RAG1: variants seen among roughly 807,000 people sequenced by gnomAD.
RAG1 encodes the protein recombination activating 1.
A neutral mutation model predicts 62.7 loss-of-function variants in RAG1; 35 were observed. The ratio of observed to expected loss-of-function variants is 0.56; its 90% confidence interval spans 0.43 to 0.74. The LOEUF (loss-of-function observed/expected upper bound fraction) is 0.74. Ranked by LOEUF, RAG1 falls within the 30% of genes least tolerant of loss-of-function variation. RAG1 has a pLI of 0.00. For synonymous variants in RAG1, 461 were observed against 470.3 expected, an observed-to-expected ratio of 0.98 and a Z score of 0.26; for missense variants, 1,169 against 1,278.6, an observed-to-expected ratio of 0.91 and a Z score of 1.31.
intron 2 of RAG1, among the ~76,000 whole-genome samples, chr11:36,529,462 C>G (rs933711650): frequency 6.6e-6 from 1 of 152,182 alleles, no homozygotes; most frequent in African/African-American, 2.4e-5. Context: ...GCTAAAAATT[C>G]TCAATAAACT....
chr11:36,522,335 T>C (rs899979888), intron 2 of RAG1, among the ~76,000 whole-genome samples: 2 of 152,118 alleles, frequency 1.3e-5, no homozygotes, highest in Non-Finnish European at 2.9e-5. Context: ...ACTAAAGGGG[T>C]CCAAGGTATG....
chr11:36,569,141 C>G (rs576653574), intron 1 of RAG1, among the ~76,000 whole-genome samples: 49 of 152,288 alleles, frequency 3.2e-4, no homozygotes, highest in African/African-American at 1.2e-3. Context: ...GGGGCTGCTG[C>G]TGCTGCTGCA....
At chr11:36,567,417 G>A (rs984285434), upstream of RAG1, 1 of 152,138 alleles carries the variant, frequency 6.6e-6, no homozygotes, top group African/African-American at 2.4e-5. Context: ...CCTGAGTCAA[G>A]ATTTAAATCC....
intron 3 of RAG1, among the ~76,000 whole-genome samples, chr11:36,546,587 A>G (rs1850397587): frequency 6.6e-6 from 1 of 152,142 alleles, no homozygotes; most frequent in Admixed American, 6.5e-5. Flanking sequence ...TTTAAGGTTA[A>G]TATTGTTATG....
chr11:36,569,097 G>T (rs1482216406), intron 1 of RAG1, among the ~76,000 whole-genome samples: 2 of 152,196 alleles, frequency 1.3e-5, no homozygotes, highest in African/African-American at 2.4e-5. Flanking sequence ...GTGTATGTGT[G>T]TGGGTATAGG....
rs141384582 is a variant in RAG1, at chr11:36,579,546, C to CT, written c.*3122dup. 12,830 of 152,344 alleles carry CT rather than the reference C, an allele frequency of 0.084. 514 individuals are homozygous for CT. The highest frequency in any genetic ancestry group is 0.11 in the African/African-American group (4,059 of 38,398). 9.4% of individuals were successfully genotyped at this position (152,344 alleles called of 1,614,324 possible). A position where few individuals can be genotyped will look rare whatever the true frequency, so the allele number is the denominator to read the frequency against. On this transcript the variant is annotated 3_prime_UTR_variant, in exon 2 of 2. Coordinates refer to ENST00000299440, the MANE Select transcript of RAG1 (RefSeq NM_000448.3). ...ATTTTGTTTAATGGCTTCCAAGAGCCTTTTTTTTTTTTGTATTTCAGAGAA... is the reference window on the plus strand; with the variant it reads ...ATTTTGTTTAATGGCTTCCAAGAGCCTTTTTTTTTTTTTGTATTTCAGAGAA...
chr11:36,539,249 C>G (rs775684595), downstream of RAG1, among the ~76,000 whole-genome samples: 2 of 152,118 alleles, frequency 1.3e-5, no homozygotes, highest in African/African-American at 4.8e-5. Context: ...AAGAACACAG[C>G]GAGAAGGCAG....
At chr11:36,529,847 G>C (rs910895316) in intron 2 of RAG1, among the ~76,000 whole-genome samples, 1 of 151,888 alleles carries the variant, frequency 6.6e-6, no homozygotes, top group Non-Finnish European at 1.5e-5. Flanking sequence ...AATGAATTGG[G>C]AATGGTTTTT....
intron 3 of RAG1, among the ~76,000 whole-genome samples, chr11:36,558,026 TG>T (rs1850528347): frequency 1.3e-5 from 2 of 152,226 alleles, no homozygotes; most frequent in Non-Finnish European, 2.9e-5. Flanking sequence ...CCAGAGGCTT[TG>T]GTATATTGTG....
intron 1 of RAG1, among the ~76,000 whole-genome samples, chr11:36,568,501 G>C (rs1201943597): frequency 6.6e-6 from 1 of 152,064 alleles, no homozygotes; most frequent in Non-Finnish European, 1.5e-5. Context: ...GGAAATGTAT[G>C]GTTTCCCAGG....
rs895319712 is a variant in RAG1 at position 36,561,235 on chromosome 11, C to T, written c.-411-2150C>T. On this transcript the variant is annotated intron_variant and NMD_transcript_variant, in intron 3 of 9. Transcript: ENST00000534663. ...TGGGGCTTCTTTACACCTTCCTTTC[C>T]ACACTGTACAAGGTACCTGGTTCTC... is the stretch of plus-strand genomic sequence containing the variant. 2.0e-5 allele frequency among the ~76,000 whole-genome samples: 3 copies of T among 152,190 alleles called. 1 individual carries two copies. The highest frequency in any genetic ancestry group is 4.4e-5 in the Non-Finnish European group (3 of 68,030).
chr11:36,521,033 C>CACTGCA (rs1205986469), intron 2 of RAG1, among the ~76,000 whole-genome samples: 1 of 147,488 alleles, frequency 6.8e-6, no homozygotes, highest in Non-Finnish European at 1.5e-5. Context: ...GATCTTGGCT[C>CACTGCA]ACTGCAACCT....
intron 1 of RAG1, among the ~76,000 whole-genome samples, chr11:36,513,890 G>T (rs549511590): frequency 6.6e-6 from 1 of 152,190 alleles, no homozygotes; most frequent in Non-Finnish European, 1.5e-5. Flanking sequence ...CCCACAACAC[G>T]TGGAAATTAG....
At chr11:36,523,322 GT>G (rs1369574136) in intron 2 of RAG1, among the ~76,000 whole-genome samples, 1 of 152,156 alleles carries the variant, frequency 6.6e-6, no homozygotes, top group East Asian at 1.9e-4. Context: ...AGTTCTGACG[GT>G]TTTAAAAATG....
upstream of RAG1, among the ~76,000 whole-genome samples, chr11:36,564,146 T>C (rs1195468671): frequency 6.6e-6 from 1 of 152,242 alleles, no homozygotes; most frequent in African/African-American, 2.4e-5. Flanking sequence ...CATGAAGACA[T>C]GGTCCTCATA....
chr11:36,568,521 G>T (rs554168628), intron 1 of RAG1, among the ~76,000 whole-genome samples: 1 of 152,310 alleles, frequency 6.6e-6, no homozygotes, highest in South Asian at 2.1e-4. Context: ...GTATTAACAA[G>T]TATTGCCAGG....
Position 36,573,512 on chromosome 11 carries a change from G to C in RAG1, c.208G>C (p.Asp70His). 6.2e-7 allele frequency: 1 copy of C among 1,614,212 alleles called. No homozygotes were observed. Among genetic ancestry groups the C allele is most frequent in the Non-Finnish European group, 8.5e-7 (1 of 1,180,046 alleles). Reference protein sequence around the residue: ...EQSPAVLDKADGQKPVPTQPL... With the variant: ...EQSPAVLDKAHGQKPVPTQPL... The stretch of plus-strand genomic sequence containing the variant: ...ATCTCCAGCAGTCCTGGACAAGGCT[G>C]ATGGTCAGAAGCCAGTCCCAACTCA... The change falls in exon 2 of 2, where the codon GAT becomes CAT. Residue 70 changes from aspartate (D) to histidine (H), a missense_variant. By Grantham distance (81) the Asp-to-His change is moderately conservative. This residue lies in a region of RAG1 where 369 missense variants were observed against 335.3 expected (regional missense o/e 1.10). Coordinates refer to ENST00000299440, the MANE Select transcript of RAG1 (RefSeq NM_000448.3).
At chr11:36,565,593 T>C (rs1001035071), upstream of RAG1, among the ~76,000 whole-genome samples, 2 of 152,244 alleles carry the variant, frequency 1.3e-5, no homozygotes. Context: ...GGCCAATACA[T>C]GTCAGCAGTG....
intron 1 of RAG1, chr11:36,511,188 T>G (rs1050230477): frequency 1.3e-5 from 2 of 152,282 alleles, no homozygotes; most frequent in African/African-American, 4.8e-5. Context: ...ACAAATAGGC[T>G]CATGCCTATA....
Sources: allele counts gnomAD v4.1 joint callset (sites outside exome capture counted in the v4.1 genomes callset), GRCh38; gene constraint gnomAD v4.1.1; regional missense constraint gnomAD v4.1.1; transcripts MANE v1.5; gene names NCBI Gene and HGNC (gene_info 2026-07-23, HGNC 2026-07-21).